Variants in SAMD5 observed in about 807,000 individuals in gnomAD.
The protein encoded by SAMD5 is sterile alpha motif domain-containing protein 5.
A neutral mutation model predicts 11.3 loss-of-function variants in SAMD5; 13 were observed. The observed-to-expected ratio is 1.15, with a 90% CI of 0.75 to 1.83. The LOEUF is 1.83. Ranked by LOEUF, SAMD5 falls within the 40% of genes most tolerant of loss-of-function variation. The pLI is 0.00. For missense variants in SAMD5, 255 were observed against 239.1 expected (o/e 1.07, Z -0.44); for synonymous variants, 129 against 111.3 (o/e 1.16, Z -1.00).
At chr6:147,804,402 G>T in the SAMD5 span, among the ~76,000 whole-genome samples, 3 of 152,060 alleles carry the variant, frequency 2.0e-5, no homozygotes, top group African/African-American at 7.2e-5. Context: ...GAGCCACTGC[G>T]CCCAGCCTGA....
At chr6:147,782,582 AGG>A in the SAMD5 span, among the ~76,000 whole-genome samples, 1 of 152,218 alleles carries the variant, frequency 6.6e-6, no homozygotes, top group African/African-American at 2.4e-5. Context: ...TGCAGTCAGC[AGG>A]GGACTATCTG....
the SAMD5 span, among the ~76,000 whole-genome samples, chr6:147,810,122 T>C: frequency 2.0e-5 from 3 of 152,248 alleles, no homozygotes; most frequent in African/African-American, 7.2e-5. Context: ...TTTGTTTTTC[T>C]AGAAGACCTT....
chr6:147,735,327 T>C (rs1791780975), intron 1 of SAMD5, among the ~76,000 whole-genome samples: 1 of 152,092 alleles, frequency 6.6e-6, no homozygotes, highest in Admixed American at 6.6e-5. Flanking sequence ...TAGAAGAGGG[T>C]TTTTTGTTGT....
chr6:147,571,363 T>C (rs1443930474), downstream of SAMD5, among the ~76,000 whole-genome samples: 1 of 152,214 alleles, frequency 6.6e-6, no homozygotes, highest in African/African-American at 2.4e-5. Context: ...CATCTGAATC[T>C]AGATAATGAA....
At chr6:147,710,186 C>T (rs1361094123) in intron 1 of SAMD5, among the ~76,000 whole-genome samples, 9 of 152,172 alleles carry the variant, frequency 5.9e-5, no homozygotes. Flanking sequence ...ACCTACTGCT[C>T]TCCATCAGCT....
chr6:147,611,270 C>T (rs547774220), intron 1 of SAMD5, among the ~76,000 whole-genome samples: 85 of 152,192 alleles, frequency 5.6e-4, no homozygotes, highest in African/African-American at 2.0e-3. Context: ...AAAGAAGAGA[C>T]GGAGAATGAT....
chr6:147,907,744 C>T, the SAMD5 span, among the ~76,000 whole-genome samples: 15 of 152,260 alleles, frequency 9.9e-5, no homozygotes, highest in African/African-American at 3.6e-4. Context: ...CCTTTGTTTC[C>T]ATAAAAATGC....
At chr6:147,620,138 G>A (rs1789937517) in intron 1 of SAMD5, among the ~76,000 whole-genome samples, 1 of 152,174 alleles carries the variant, frequency 6.6e-6, no homozygotes, top group Non-Finnish European at 1.5e-5. Flanking sequence ...CCCCTGCTTA[G>A]GGAAGCCCCG....
chr6:147,555,621 C>T (rs542804182), intron 1 of SAMD5, among the ~76,000 whole-genome samples: 3 of 152,070 alleles, frequency 2.0e-5, no homozygotes, highest in South Asian at 2.1e-4. Flanking sequence ...GGAAGATCTG[C>T]GTAATTCAGA....
At chr6:147,512,227 G>A (rs1181092149) in intron 1 of SAMD5, among the ~76,000 whole-genome samples, 1 of 152,110 alleles carries the variant, frequency 6.6e-6, no homozygotes, top group Admixed American at 6.5e-5. Flanking sequence ...CAGAGTGCTG[G>A]GATTACAAGT....
chr6:147,907,522 C>T, the SAMD5 span, among the ~76,000 whole-genome samples: 2 of 152,222 alleles, frequency 1.3e-5, no homozygotes, highest in African/African-American at 2.4e-5. Context: ...TCTGTGTTCA[C>T]GTGGGCACTG....
intron 1 of SAMD5, among the ~76,000 whole-genome samples, chr6:147,530,756 G>A (rs1788418315): frequency 3.9e-5 from 6 of 152,200 alleles, no homozygotes; most frequent in Admixed American, 3.9e-4. Context: ...GAGGAATTGC[G>A]GGACCAGGCC....
At chr6:147,599,107 G>A (rs844609) in intron 1 of SAMD5, among the ~76,000 whole-genome samples, 13,044 of 152,264 alleles carry the variant, frequency 0.086, 890 homozygotes, top group African/African-American at 0.19. Flanking sequence ...GCAAGTGGAA[G>A]CATACCAAAT....
the SAMD5 span, among the ~76,000 whole-genome samples, chr6:147,810,893 A>G: frequency 6.6e-6 from 1 of 152,318 alleles, no homozygotes; most frequent in African/African-American, 2.4e-5. Flanking sequence ...GTATTCATAC[A>G]TAACATTCTC....
At chr6:147,800,288 G>C in the SAMD5 span, among the ~76,000 whole-genome samples, 32 of 152,294 alleles carry the variant, frequency 2.1e-4, 1 homozygote, top group East Asian at 3.9e-3. Context: ...CCTTCTAACA[G>C]ACAGGACCCT....
rs370781941 is a variant in SAMD5, at chr6:147,520,617, CAG to C, written c.459+11232_459+11233del. Among the ~76,000 whole-genome samples the C allele has an allele frequency of 3.6e-4, 54 of 152,044 alleles. 1 individual carries two copies. Among genetic ancestry groups the C allele is most frequent in the Non-Finnish European group, 1.6e-4 (11 of 68,006 alleles). On this transcript the variant is annotated intron_variant, in intron 1 of 1. Coordinates refer to ENST00000367474, the MANE Select transcript of SAMD5 (RefSeq NM_001030060.3). The stretch of plus-strand genomic sequence containing the variant: ...ATTTCTTTAAAAATCATTTATGTGT[CAG>C]AATATATGTTTTATACTGATACACA...
chr6:147,672,812 C>T (rs1790812692), intron 1 of SAMD5, among the ~76,000 whole-genome samples: 1 of 152,060 alleles, frequency 6.6e-6, no homozygotes. Context: ...TTAAAAATCC[C>T]TCTCTTTTGC....
the SAMD5 span, among the ~76,000 whole-genome samples, chr6:147,875,595 C>T: frequency 6.6e-6 from 1 of 152,160 alleles, no homozygotes; most frequent in African/African-American, 2.4e-5. Context: ...GGCCACACAG[C>T]AGGAGGTGAG....
intron 1 of SAMD5, among the ~76,000 whole-genome samples, chr6:147,595,034 A>G (rs935907702): frequency 6.6e-6 from 1 of 152,188 alleles, no homozygotes; most frequent in African/African-American, 2.4e-5. Flanking sequence ...TACAGATGAA[A>G]AACTTGCTGA....
Sources: allele counts gnomAD v4.1 joint callset (sites outside exome capture counted in the v4.1 genomes callset), GRCh38; gene constraint gnomAD v4.1.1; transcripts MANE v1.5; gene names NCBI Gene and HGNC (gene_info 2026-07-23, HGNC 2026-07-21).